FCHSD2: variants seen among roughly 807,000 people sequenced by gnomAD.
The protein encoded by FCHSD2 is F-BAR and double SH3 domains protein 2.
In FCHSD2, 38 loss-of-function variants were observed where a neutral mutation model predicts 108.1. The ratio of observed to expected loss-of-function variants is 0.35; its 90% confidence interval spans 0.27 to 0.46. The LOEUF (loss-of-function observed/expected upper bound fraction) is 0.46, where lower values mean the gene tolerates loss of function less well. Among genes scored for constraint, FCHSD2 ranks in the 20% least tolerant of loss-of-function variants. The pLI is 1.00. For missense variants in FCHSD2, 751 were observed against 897.8 expected, an observed-to-expected ratio of 0.84 and a Z score of 2.09; for synonymous variants, 279 against 314.7, an observed-to-expected ratio of 0.89 and a Z score of 1.20.
intron 8 of FCHSD2, among the ~76,000 whole-genome samples, chr11:72,963,290 G>A (rs1006048336): frequency 1.3e-5 from 2 of 152,124 alleles, no homozygotes; most frequent in African/African-American, 2.4e-5. Flanking sequence ...TTTACTATGT[G>A]CTTACTATAT....
At chr11:72,871,153 C>A (rs1315833454) in intron 12 of FCHSD2, among the ~76,000 whole-genome samples, 1 of 152,168 alleles carries the variant, frequency 6.6e-6, no homozygotes, top group African/African-American at 2.4e-5. Flanking sequence ...CCCTCCCGAT[C>A]AGAAAGTAAC....
chr11:73,096,987 A>ATTTTTTTTTTTTTTTTTTTTTTTTTTTTT lies in FCHSD2; in HGVS notation c.120-13276_120-13248dup. On this transcript the variant is annotated intron_variant, in intron 2 of 19. Coordinates refer to ENST00000409418, the MANE Select transcript of FCHSD2 (RefSeq NM_014824.3). ...CTAATGTGATGTATTTCATTGATGG[A>ATTTTTTTTTTTTTTTTTTTTTTTTTTTTT]TTTTTTTTTTTTTTTTTTTTTTTTT... Among the ~76,000 whole-genome samples, 53 of 27,046 alleles carry ATTTTTTTTTTTTTTTTTTTTTTTTTTTTT rather than the reference A, an allele frequency of 2.0e-3. 21 individuals are homozygous for ATTTTTTTTTTTTTTTTTTTTTTTTTTTTT. Among genetic ancestry groups the ATTTTTTTTTTTTTTTTTTTTTTTTTTTTT allele is most frequent in the East Asian group, 7.1e-3 (4 of 566 alleles). 17.7% of individuals were successfully genotyped at this position (27,046 alleles called of 152,430 possible).
In FCHSD2 at chr11:72,933,044, T is replaced by C. The variant is rs141791908; in HGVS notation, c.706-11094A>G. ...TATTTTCAGTAGTGGCATCCTTTTATGTGGAATTCCAAGACATAAAATATA... is the reference window on the plus strand; with the variant it reads ...TATTTTCAGTAGTGGCATCCTTTTACGTGGAATTCCAAGACATAAAATATA... On this transcript the variant is annotated intron_variant, in intron 8 of 19. Transcript: ENST00000409418. 8.1e-3 allele frequency among the ~76,000 whole-genome samples: 1,233 copies of C among 152,336 alleles called. 21 individuals are homozygous for C. Among genetic ancestry groups the C allele is most frequent in the African/African-American group, 0.028 (1,152 of 41,576 alleles).
chr11:73,025,992 TTATGTATGTATG>T lies in FCHSD2; in HGVS notation c.166-10119_166-10108del, dbSNP rs200477185. ...GACTAAAGAATTATAGAGATTCATT[TTATGTATGTATG>T]TATGTATGTATGTATGTATGTATGT... On this transcript the variant is annotated intron_variant, in intron 3 of 19. Coordinates refer to ENST00000409418, the MANE Select transcript of FCHSD2 (RefSeq NM_014824.3). 9.8e-4 allele frequency among the ~76,000 whole-genome samples: 147 copies of T among 149,520 alleles called. No individual in the cohort carries two copies. The East Asian group carries it at 9.8e-3, about 10-fold the overall frequency.
At chr11:72,871,584 G>A (rs776013881) in intron 12 of FCHSD2, among the ~76,000 whole-genome samples, 1 of 64,948 alleles carries the variant, frequency 1.5e-5, no homozygotes, top group African/African-American at 6.4e-5. Flanking sequence ...GGGACTCTTG[G>A]ACAAACAAGT....
intron 8 of FCHSD2, among the ~76,000 whole-genome samples, chr11:72,974,724 G>A (rs925808765): frequency 6.6e-5 from 10 of 151,838 alleles, no homozygotes; most frequent in Non-Finnish European, 2.9e-5. Flanking sequence ...ATAATTAAAG[G>A]GCAGGCTGCA....
At chr11:73,012,220 A>G (rs1260536042) in intron 4 of FCHSD2, among the ~76,000 whole-genome samples, 2 of 152,232 alleles carry the variant, frequency 1.3e-5, no homozygotes, top group Non-Finnish European at 2.9e-5. Flanking sequence ...ACATACTGAC[A>G]TGAAGGGATT....
At chr11:73,078,753 C>CT (rs1344926566) in intron 3 of FCHSD2, among the ~76,000 whole-genome samples, 1 of 152,150 alleles carries the variant, frequency 6.6e-6, no homozygotes, top group Non-Finnish European at 1.5e-5. Flanking sequence ...AGGTCTCACT[C>CT]TGTCACCAAG....
chr11:73,142,035 C>A lies in FCHSD2; in HGVS notation c.-158G>T. 1.5e-6 allele frequency: 1 copy of A among 653,218 alleles called. No homozygotes were observed. 40.5% of individuals were successfully genotyped at this position (653,218 alleles called of 1,614,324 possible). A position where few individuals can be genotyped will look rare whatever the true frequency, so the allele number is the denominator to read the frequency against. On this transcript the variant is annotated 5_prime_UTR_variant, in exon 1 of 20. Transcript: ENST00000409418. Reference sequence around the variant, plus strand: ...GCCCCGGAGGGAGCAGGCCAGCGGGCGGCAGGCGGACCCCAGCCAGAGAGC... The same window carrying A: ...GCCCCGGAGGGAGCAGGCCAGCGGGAGGCAGGCGGACCCCAGCCAGAGAGC...
At chr11:72,876,896 TA>T (rs1366856526) in intron 12 of FCHSD2, among the ~76,000 whole-genome samples, 1 of 152,220 alleles carries the variant, frequency 6.6e-6, no homozygotes, top group African/African-American at 2.4e-5. Context: ...GAAATGTCTT[TA>T]AAAAATCATT....
intron 13 of FCHSD2, among the ~76,000 whole-genome samples, chr11:72,859,852 A>G (rs1023021360): frequency 1.3e-5 from 2 of 152,170 alleles, no homozygotes; most frequent in African/African-American, 4.8e-5. Context: ...CTCCTAAAAG[A>G]GTAAAAACTT....
chr11:72,870,906 A>AAG (rs1202749027), intron 12 of FCHSD2, among the ~76,000 whole-genome samples: 6 of 150,404 alleles, frequency 4.0e-5, no homozygotes, highest in Admixed American at 3.3e-4. Flanking sequence ...TCTCAAAAAA[A>AAG]AAAAAAAAAA....
At chr11:72,986,687 T>C (rs1857318872) in intron 6 of FCHSD2, among the ~76,000 whole-genome samples, 1 of 152,130 alleles carries the variant, frequency 6.6e-6, no homozygotes, top group Non-Finnish European at 1.5e-5. Flanking sequence ...GATCTTCCAA[T>C]ATAAGGTTTT....
rs115153113 is a variant in FCHSD2, at chr11:73,059,079, T to C, written c.165+24616A>G. Among the ~76,000 whole-genome samples the C allele has an allele frequency of 8.0e-3, 1,212 of 152,256 alleles. 21 individuals are homozygous for C. Among genetic ancestry groups the C allele is most frequent in the African/African-American group, 0.027 (1,136 of 41,562 alleles). On this transcript the variant is annotated intron_variant, in intron 3 of 19. Coordinates refer to ENST00000409418, the MANE Select transcript of FCHSD2 (RefSeq NM_014824.3). ...TGAACTGTACTCAATTCAACAAACA[T>C]GGATATAAATGTAAACAAGAAAATG... is the stretch of plus-strand genomic sequence containing the variant.
rs187433664 is a variant in FCHSD2 at position 73,008,832 on chromosome 11, G to A, written c.242+6977C>T. Among the ~76,000 whole-genome samples the A allele has an allele frequency of 4.9e-3, 743 of 151,700 alleles. 5 individuals are homozygous for A. Among genetic ancestry groups the A allele is most frequent in the African/African-American group, 0.017 (721 of 41,304 alleles). On this transcript the variant is annotated intron_variant, in intron 4 of 19. Coordinates refer to ENST00000409418, the MANE Select transcript of FCHSD2 (RefSeq NM_014824.3). The stretch of plus-strand genomic sequence containing the variant: ...AAACAAGCAGCTACTTAACATTTCA[G>A]ATATGAAGAGATCTACAAAGAAGGT...
At chr11:73,104,720 CA>C (rs1262461805) in intron 2 of FCHSD2, among the ~76,000 whole-genome samples, 1 of 152,056 alleles carries the variant, frequency 6.6e-6, no homozygotes, top group Non-Finnish European at 1.5e-5. Flanking sequence ...AGGCACGTGC[CA>C]CCGCACCCGG....
At chr11:72,880,995 T>C (rs1012556524) in intron 12 of FCHSD2, among the ~76,000 whole-genome samples, 2 of 152,020 alleles carry the variant, frequency 1.3e-5, no homozygotes, top group African/African-American at 2.4e-5. Context: ...GCTGAGGCTT[T>C]AAGGCCACAG....
At chr11:73,031,403 G>A (rs1359771386) in intron 3 of FCHSD2, among the ~76,000 whole-genome samples, 1 of 152,000 alleles carries the variant, frequency 6.6e-6, no homozygotes, top group Non-Finnish European at 1.5e-5. Flanking sequence ...TTGAGGGCGG[G>A]AGGTGGAGGC....
At chr11:72,884,199 C>T (rs1855149766) in intron 12 of FCHSD2, among the ~76,000 whole-genome samples, 1 of 152,066 alleles carries the variant, frequency 6.6e-6, no homozygotes, top group South Asian at 2.1e-4. Flanking sequence ...CACTAACCTG[C>T]CTCTAATCAG....
Sources: gnomAD v4.1 joint callset for allele counts (sites outside exome capture counted in the v4.1 genomes callset) on GRCh38, gnomAD v4.1.1 for gene constraint, MANE v1.5 for transcripts, NCBI Gene and HGNC (gene_info 2026-07-23, HGNC 2026-07-21) for gene names.